Variants in SYNE1 observed in about 807,000 individuals in gnomAD.
SYNE1 encodes nesprin-1.
In SYNE1, 616 loss-of-function variants were observed where a neutral mutation model predicts 1,111.0. The ratio of observed to expected loss-of-function variants is 0.55; its 90% CI spans 0.52 to 0.59. The LOEUF is 0.59. Among genes scored for constraint, SYNE1 ranks in the 20% least tolerant of loss-of-function variants. SYNE1 has a pLI of 0.00. For synonymous variants in SYNE1, 3,855 were observed against 3,825.8 expected (o/e 1.01, Z -0.28); for missense variants, 10,006 against 10,417.0 (o/e 0.96, Z 1.72).
intron 130 of SYNE1, 28 bp downstream of exon 130, chr6:152,176,366 G>T (rs747254325): frequency 6.2e-7 from 1 of 1,613,508 alleles, no homozygotes; most frequent in Non-Finnish European, 8.5e-7. Flanking sequence ...CTGCCCACAC[G>T]TGCCCTATTG....
intron 59 of SYNE1, 136 bp downstream of exon 59, chr6:152,372,901 T>C: frequency 4.3e-6 from 4 of 924,158 alleles, no homozygotes; most frequent in East Asian, 2.4e-5. Context: ...TGTTAGCCCA[T>C]TGTCTTCTTA....
At chr6:152,294,288 T>A (rs887643878) in intron 93 of SYNE1, among the ~76,000 whole-genome samples, 161 bp from the exon 94 acceptor site, 1 of 152,206 alleles carries the variant, frequency 6.6e-6, no homozygotes, top group African/African-American at 2.4e-5. Flanking sequence ...AAGAAAAATG[T>A]AAAGACTGTA....
At chr6:152,551,661 T>C (rs907078336) in intron 3 of SYNE1, among the ~76,000 whole-genome samples, 2 of 152,228 alleles carry the variant, frequency 1.3e-5, no homozygotes, top group Non-Finnish European at 2.9e-5. Context: ...TGATTAAAGA[T>C]TATTCTTGTG....
chr6:152,567,070 A>T (rs2950447), intron 3 of SYNE1, among the ~76,000 whole-genome samples: 1 of 150,936 alleles, frequency 6.6e-6, no homozygotes, highest in Non-Finnish European at 1.5e-5. Flanking sequence ...ATCTCCCTAA[A>T]CTGCTCCATC....
chr6:152,372,643 T>C (rs2097209156), intron 59 of SYNE1, among the ~76,000 whole-genome samples: 1 of 152,222 alleles, frequency 6.6e-6, no homozygotes, highest in South Asian at 2.1e-4. Context: ...GGTATTTGCA[T>C]TAGTTATAAT....
intron 61 of SYNE1, chr6:152,367,903 T>C (rs144242660): frequency 0.016 from 2,478 of 159,444 alleles, 58 homozygotes; most frequent in African/African-American, 0.056. Flanking sequence ...GCTCTCAAAA[T>C]ATTCATATAT....
At chr6:152,591,644 C>T (rs191268360) in intron 3 of SYNE1, among the ~76,000 whole-genome samples, 1 of 151,974 alleles carries the variant, frequency 6.6e-6, no homozygotes, top group Non-Finnish European at 1.5e-5. Flanking sequence ...TGCAACAAAA[C>T]CAAAAATTGA....
chr6:152,440,875 G>A (rs1013022792), intron 32 of SYNE1, among the ~76,000 whole-genome samples: 18 of 151,994 alleles, frequency 1.2e-4, no homozygotes, highest in African/African-American at 3.1e-4. Context: ...CCTGCCTCCA[G>A]ATTTTAAAAA....
Position 152,442,131 on chromosome 6 carries a change from C to G in SYNE1, c.3952G>C (p.Glu1318Gln), listed in dbSNP as rs201144728. 2.6e-5 allele frequency: 42 copies of G among 1,614,012 alleles called. No individual in the cohort carries two copies. The East Asian group carries it at 8.9e-4, about 34-fold the overall frequency. The stretch of plus-strand genomic sequence containing the variant: ...CGCTCCAGGCCATCCAGTGTGCTCT[C>G]CAGCTTCCGCAGCTCCTCGTGGCCT... ...DRGHEELRKL[E>Q]STLDGLERSR... is the part of the protein sequence containing the mutation. The change falls in exon 31 of 146, where the codon GAG (glutamate) becomes CAG (glutamine). Residue 1318 changes from glutamate (E) to glutamine (Q), a missense_variant. Glu to Gln is a conservative substitution (Grantham distance 29). Transcript: ENST00000367255.
chr6:152,457,180 A>G (rs1564167366), intron 22 of SYNE1, among the ~76,000 whole-genome samples: 1 of 148,638 alleles, frequency 6.7e-6, no homozygotes, highest in Non-Finnish European at 1.5e-5. Flanking sequence ...TAATAATGCT[A>G]TCAGTCATAT....
Position 152,347,226 on chromosome 6 carries a change from C to T in SYNE1, c.11911G>A (p.Glu3971Lys). Residue 3971 changes from glutamate to lysine, a missense_variant, in exon 73 of 146, where the codon GAA (glutamate) becomes AAA (lysine). Physicochemically the swap from Glu to Lys is moderately conservative, Grantham distance 56. Transcript: ENST00000367255. ...CGGTCTTCAAAACCAGCAATTTCTTCCATCATTGCCTGCAAAAGTGAAACC... is the reference window on the plus strand; with the variant it reads ...CGGTCTTCAAAACCAGCAATTTCTTTCATCATTGCCTGCAAAAGTGAAACC... ...QQLAHHKAMM[E>K]EIAGFEDRLN... 6.2e-7 allele frequency: 1 copy of T among 1,614,196 alleles called. No homozygotes were observed. The highest frequency in any genetic ancestry group is 8.5e-7 in the Non-Finnish European group (1 of 1,180,028).
rs146043045 is a variant in SYNE1 at position 152,509,691 on chromosome 6, C to A, written c.581+502G>T. Among the ~76,000 whole-genome samples, 896 of 151,866 alleles carry A rather than the reference C, an allele frequency of 5.9e-3. 8 individuals carry two copies. Among genetic ancestry groups the A allele is most frequent in the Non-Finnish European group, 8.8e-3 (598 of 67,982 alleles). On this transcript the variant is annotated intron_variant, in intron 8 of 145. Transcript: ENST00000367255. ...TAGAGTTGACAAAAAAATCTACACT[C>A]TAGATAAAAAATGAGACCAAAGGGA... is the stretch of plus-strand genomic sequence containing the variant.
At chr6:152,245,444 G>A (rs2086868175) in intron 105 of SYNE1, among the ~76,000 whole-genome samples, 1 of 152,182 alleles carries the variant, frequency 6.6e-6, no homozygotes, top group African/African-American at 2.4e-5. Flanking sequence ...CCCTGAAGGA[G>A]GACAAAAACA....
chr6:152,302,226 G>C, intron 91 of SYNE1, 163 bp from the exon 92 acceptor site: 1 of 925,966 alleles, frequency 1.1e-6, no homozygotes, highest in Non-Finnish European at 1.7e-6. Flanking sequence ...TCGCTACCGA[G>C]CCAGACCGCA....
intron 127 of SYNE1, among the ~76,000 whole-genome samples, chr6:152,198,911 AG>A (rs1318276020): frequency 1.3e-5 from 2 of 151,652 alleles, no homozygotes; most frequent in Non-Finnish European, 2.9e-5. Context: ...AGACATATAA[AG>A]TGAGCACATG....
At chr6:152,546,601 A>G (rs989051944) in intron 3 of SYNE1, 1 of 152,236 alleles carries the variant, frequency 6.6e-6, no homozygotes, top group Non-Finnish European at 1.5e-5. Context: ...AGTCACTTGG[A>G]GGATAGATTC....
intron 134 of SYNE1, 83 bp from the exon 135 acceptor site, chr6:152,151,773 T>C: frequency 6.4e-7 from 1 of 1,553,352 alleles, no homozygotes; most frequent in Non-Finnish European, 8.7e-7. Flanking sequence ...CGAATTCCAG[T>C]GTTCTGTAAA....
At chr6:152,605,152 T>A (rs914611438) in intron 3 of SYNE1, among the ~76,000 whole-genome samples, 4 of 150,000 alleles carry the variant, frequency 2.7e-5, no homozygotes, top group Non-Finnish European at 5.9e-5. Flanking sequence ...ATTCTATTAA[T>A]GGTTAATGCC....
intron 93 of SYNE1, among the ~76,000 whole-genome samples, chr6:152,299,381 T>G (rs916159873): frequency 6.6e-6 from 1 of 152,162 alleles, no homozygotes; most frequent in Non-Finnish European, 1.5e-5. Flanking sequence ...GAAAAACACT[T>G]TCCCAAATTC....
Sources: gnomAD v4.1 joint callset for allele counts (sites outside exome capture counted in the v4.1 genomes callset) on GRCh38, gnomAD v4.1.1 for gene constraint, MANE v1.5 for transcripts, NCBI Gene and HGNC (gene_info 2026-07-23, HGNC 2026-07-21) for gene names.